The following TRPM3 variants were observed in gnomAD, a reference collection of about 807,000 sequenced individuals.
The protein encoded by TRPM3 is long transient receptor potential channel 3.
In TRPM3, 77 loss-of-function variants were observed where a neutral mutation model predicts 181.2. The observed-to-expected ratio is 0.42, with a 90% CI of 0.35 to 0.51. The LOEUF is 0.51. Among genes scored for constraint, TRPM3 ranks in the 20% least tolerant of loss-of-function variants. TRPM3 has a pLI of 0.01. For missense variants in TRPM3, 1,759 were observed against 2,196.7 expected, an observed-to-expected ratio of 0.80 and a Z score of 3.98; for synonymous variants, 745 against 796.4, an observed-to-expected ratio of 0.94 and a Z score of 1.09.
intron 8 of TRPM3, among the ~76,000 whole-genome samples, chr9:70,700,567 T>A (rs2072176982): frequency 6.6e-6 from 1 of 152,224 alleles, no homozygotes; most frequent in Non-Finnish European, 1.5e-5. Flanking sequence ...TGAACAGAGC[T>A]ATATCGCAGC....
At chr9:71,277,154 A>T (rs528645239) in intron 1 of TRPM3, among the ~76,000 whole-genome samples, 1 of 152,344 alleles carries the variant, frequency 6.6e-6, no homozygotes, top group East Asian at 1.9e-4. Flanking sequence ...AAAGTTATTA[A>T]GAAAAGCAAG....
chr9:70,913,013 T>C (rs1469430847), intron 1 of TRPM3, among the ~76,000 whole-genome samples: 1 of 152,216 alleles, frequency 6.6e-6, no homozygotes, highest in Admixed American at 6.5e-5. Flanking sequence ...GATAAGTAAG[T>C]ACCCAATCTA....
intron 14 of TRPM3, among the ~76,000 whole-genome samples, chr9:70,622,219 C>T (rs1052243341): frequency 5.9e-5 from 9 of 152,100 alleles, no homozygotes; most frequent in African/African-American, 1.9e-4. Flanking sequence ...ATCTGCTCGT[C>T]CCTAGATATT....
intron 1 of TRPM3, among the ~76,000 whole-genome samples, chr9:71,082,977 A>T (rs1358341960): frequency 1.3e-5 from 2 of 152,102 alleles, no homozygotes; most frequent in African/African-American, 2.4e-5. Flanking sequence ...ATTGATATGG[A>T]GATTTCTAGC....
chr9:70,956,621 C>T (rs967381634), intron 1 of TRPM3, among the ~76,000 whole-genome samples: 7 of 152,060 alleles, frequency 4.6e-5, no homozygotes, highest in Admixed American at 2.0e-4. Context: ...CATGGTAATA[C>T]GCCTGTAATC....
rs190729930 is a variant in TRPM3 at position 71,135,355 on chromosome 9, A to G, written c.184-270844T>C. On this transcript the variant is annotated intron_variant, in intron 1 of 24. Transcript: ENST00000357533. ...ATTCAATTACATATAACAGAATGGG[A>G]ATAGTATGGAAGTCAAGGCAACTCT... Among the ~76,000 whole-genome samples the G allele has an allele frequency of 5.5e-3, 836 of 152,304 alleles. 12 individuals are homozygous for G. Among genetic ancestry groups the G allele is most frequent in the African/African-American group, 0.019 (785 of 41,560 alleles).
intron 1 of TRPM3, among the ~76,000 whole-genome samples, chr9:71,059,765 C>T (rs2061094372): frequency 6.6e-6 from 1 of 152,054 alleles, no homozygotes; most frequent in Admixed American, 6.6e-5. Context: ...ACCTGCCCTA[C>T]ATATTTTGGA....
At position 70,921,249 on chromosome 9, in the gene TRPM3, A is replaced by C. The variant is rs547889308; in HGVS notation, c.178-56738T>G. Among the ~76,000 whole-genome samples, 11 of 152,338 alleles carry C rather than the reference A, an allele frequency of 7.2e-5. No homozygotes were observed. In the South Asian group the frequency reaches 2.3e-3, roughly 32 times the overall value. On this transcript the variant is annotated intron_variant, in intron 1 of 25. Transcript: ENST00000677713. ...ATGTTTTCCACAGCACATTTAAATA[A>C]AATTTTATAACCTGCTTCTCTGTTT...
chr9:71,432,342 T>C (rs2093969341), intron 1 of TRPM3, among the ~76,000 whole-genome samples: 1 of 134,984 alleles, frequency 7.4e-6, no homozygotes, highest in Non-Finnish European at 1.6e-5. Flanking sequence ...TTTTTTTTTT[T>C]TTTTTGGCTT....
At chr9:71,408,418 T>TG (rs1222194083) in intron 1 of TRPM3, among the ~76,000 whole-genome samples, 1 of 152,166 alleles carries the variant, frequency 6.6e-6, no homozygotes, top group Non-Finnish European at 1.5e-5. Context: ...AATGACCTGA[T>TG]GGAGCTGAAA....
chr9:71,078,554 A>G (rs2063785384), intron 1 of TRPM3, among the ~76,000 whole-genome samples: 1 of 152,164 alleles, frequency 6.6e-6, no homozygotes, highest in South Asian at 2.1e-4. Context: ...TCAATTAATT[A>G]TGTTACAAAA....
intron 22 of TRPM3, among the ~76,000 whole-genome samples, chr9:70,590,275 C>G (rs1317523195): frequency 6.6e-6 from 1 of 152,142 alleles, no homozygotes; most frequent in Non-Finnish European, 1.5e-5. Context: ...TCCTAGGATA[C>G]AACTATCTTC....
chr9:71,250,351 T>G (rs1344781078), intron 1 of TRPM3, among the ~76,000 whole-genome samples: 1 of 152,212 alleles, frequency 6.6e-6, no homozygotes, highest in Non-Finnish European at 1.5e-5. Context: ...AAATAGATCT[T>G]ATAAATCATT....
At chr9:71,383,781 CA>C (rs1467048146) in intron 1 of TRPM3, among the ~76,000 whole-genome samples, 1 of 152,166 alleles carries the variant, frequency 6.6e-6, no homozygotes, top group Non-Finnish European at 1.5e-5. Context: ...GCCCATGAAA[CA>C]AAAACAAAAT....
At chr9:71,016,409 A>T (rs1244662625) in intron 1 of TRPM3, among the ~76,000 whole-genome samples, 1 of 152,106 alleles carries the variant, frequency 6.6e-6, no homozygotes, top group East Asian at 1.9e-4. Flanking sequence ...TCATGTATCC[A>T]ACAGTAAGTC....
intron 1 of TRPM3, among the ~76,000 whole-genome samples, chr9:70,955,281 G>A (rs1228862108): frequency 6.6e-6 from 1 of 152,166 alleles, no homozygotes; most frequent in Non-Finnish European, 1.5e-5. Flanking sequence ...GTTGGAGGCT[G>A]TTTCCATGTT....
intron 25 of TRPM3, among the ~76,000 whole-genome samples, chr9:70,538,108 A>G (rs1238002875): frequency 6.6e-6 from 1 of 152,246 alleles, no homozygotes; most frequent in East Asian, 1.9e-4. Flanking sequence ...GCAAAAATTA[A>G]GAATTTAACC....
intron 8 of TRPM3, among the ~76,000 whole-genome samples, chr9:70,688,868 G>A (rs2067706248): frequency 6.6e-6 from 1 of 152,104 alleles, no homozygotes; most frequent in African/African-American, 2.4e-5. Context: ...GGCATTCCAG[G>A]ATGCCACTTC....
intron 1 of TRPM3, among the ~76,000 whole-genome samples, chr9:71,345,594 TG>T (rs1359192015): frequency 7.0e-6 from 1 of 142,042 alleles, no homozygotes; most frequent in African/African-American, 2.6e-5. Flanking sequence ...TGTCGGGGGG[TG>T]GGGGGCAAGG....
Sources: gnomAD v4.1 joint callset for allele counts (sites outside exome capture counted in the v4.1 genomes callset) on GRCh38, gnomAD v4.1.1 for gene constraint, MANE v1.5 for transcripts, NCBI Gene and HGNC (gene_info 2026-07-23, HGNC 2026-07-21) for gene names.